ZNF804A: variants seen among roughly 807,000 people sequenced by gnomAD.
ZNF804A encodes zinc finger protein 804A.
Under a neutral mutation model 16.5 loss-of-function variants are expected in ZNF804A, and 2 were observed. That is an observed-to-expected ratio of 0.12 (90% CI 0.05 to 0.38). ZNF804A has a LOEUF of 0.38. Ranked by LOEUF, ZNF804A falls within the 10% of genes least tolerant of loss-of-function variation. ZNF804A has a pLI of 0.99. For missense variants in ZNF804A, 1,473 were observed against 1,390.7 expected (o/e 1.06, Z -0.94); for synonymous variants, 534 against 489.6 (o/e 1.09, Z -1.20).
At chr2:184,682,467 AT>A (rs1343858782) in intron 1 of ZNF804A, among the ~76,000 whole-genome samples, 8 of 151,954 alleles carry the variant, frequency 5.3e-5, no homozygotes, top group Admixed American at 6.6e-5. Context: ...GCTACATTTG[AT>A]TTTTTTTGTG....
At chr2:184,900,273 T>G (rs1482778035) in intron 2 of ZNF804A, among the ~76,000 whole-genome samples, 1 of 152,130 alleles carries the variant, frequency 6.6e-6, no homozygotes, top group African/African-American at 2.4e-5. Flanking sequence ...ACAAAATGTT[T>G]CACATTATGG....
In ZNF804A at chr2:184,599,088, CCT is replaced by C. The variant is rs10689377; in HGVS notation, c.111+32_111+33del. 2.6e-3 allele frequency: 3,527 copies of C among 1,331,580 alleles called. No individual in the cohort carries two copies. Among genetic ancestry groups the C allele is most frequent in the Non-Finnish European group, 3.0e-3 (2,846 of 942,956 alleles). The allele number at this position is 1,331,580 out of a possible 1,614,324, so 82.5% of individuals were successfully genotyped here. On this transcript the variant is annotated intron_variant, in intron 1 of 3. Transcript: ENST00000302277. ...AAACTCTGGTAATCGCTTCTGTTTT[CCT>C]CTCTCTCTCTCTCATATTTAAGAGG...
chr2:184,801,725 G>T (rs142699585), intron 1 of ZNF804A, among the ~76,000 whole-genome samples: 1 of 152,090 alleles, frequency 6.6e-6, no homozygotes, highest in Non-Finnish European at 1.5e-5. Flanking sequence ...CATTAACAAC[G>T]TAACAGCTAT....
chr2:184,790,629 A>T (rs1368727712), intron 1 of ZNF804A, among the ~76,000 whole-genome samples: 1 of 151,876 alleles, frequency 6.6e-6, no homozygotes, highest in Non-Finnish European at 1.5e-5. Flanking sequence ...TTTGAGATGG[A>T]GTCTTGCTCT....
intron 1 of ZNF804A, among the ~76,000 whole-genome samples, chr2:184,724,614 T>C (rs1005941631): frequency 2.0e-5 from 3 of 151,676 alleles, no homozygotes; most frequent in African/African-American, 4.8e-5. Flanking sequence ...ATAGTCACTC[T>C]GTTATTGGCA....
At chr2:184,879,980 A>G (rs1430774435) in intron 2 of ZNF804A, among the ~76,000 whole-genome samples, 2 of 152,050 alleles carry the variant, frequency 1.3e-5, no homozygotes, top group Non-Finnish European at 2.9e-5. Flanking sequence ...TTCTAAGCAT[A>G]CCTTCTTATC....
intron 1 of ZNF804A, among the ~76,000 whole-genome samples, chr2:184,681,740 C>A (rs773093049): frequency 2.0e-5 from 3 of 152,218 alleles, no homozygotes; most frequent in Non-Finnish European, 4.4e-5. Context: ...GGGCCAGGAA[C>A]AGGAGGGAGT....
intron 1 of ZNF804A, among the ~76,000 whole-genome samples, chr2:184,819,132 G>A (rs1695031501): frequency 6.6e-6 from 1 of 151,624 alleles, no homozygotes; most frequent in Admixed American, 6.6e-5. Context: ...ATTGCCACAT[G>A]GCACTTACTC....
chr2:184,938,732 T>TGCAGATGCAGCC lies in ZNF804A; in HGVS notation c.3340_3341insATGCAGCCGCAG (p.Ala1113_Ala1114insAspAlaAlaAla). 6.2e-7 allele frequency: 1 copy of TGCAGATGCAGCC among 1,607,264 alleles called. No individual in the cohort carries two copies. The highest frequency in any genetic ancestry group is 8.5e-7 in the Non-Finnish European group (1 of 1,176,644). On this transcript the variant is annotated inframe_insertion, in exon 4 of 4. Coordinates refer to ENST00000302277, the MANE Select transcript of ZNF804A (RefSeq NM_194250.2). Reference sequence around the variant, plus strand: ...AGCAGCACGCTGCAGCTGCTGCAGCTGCAGCTGCAGCCGCAGCTGCAGGAA... The same window carrying TGCAGATGCAGCC: ...AGCAGCACGCTGCAGCTGCTGCAGCTGCAGATGCAGCCGCAGCTGCAGCCGCAGCTGCAGGAA...
chr2:184,621,430 C>T (rs1691418243), intron 1 of ZNF804A, among the ~76,000 whole-genome samples: 1 of 151,666 alleles, frequency 6.6e-6, no homozygotes, highest in African/African-American at 2.4e-5. Context: ...GACAATCCGA[C>T]ATAAATGGCT....
intron 2 of ZNF804A, among the ~76,000 whole-genome samples, chr2:184,875,996 A>C (rs1432302887): frequency 6.6e-6 from 1 of 152,082 alleles, no homozygotes; most frequent in Non-Finnish European, 1.5e-5. Flanking sequence ...AAACATCTTG[A>C]TTTTTGCTTT....
chr2:184,805,227 AGGT>A (rs1694784181), intron 1 of ZNF804A, among the ~76,000 whole-genome samples: 1 of 152,188 alleles, frequency 6.6e-6, no homozygotes, highest in African/African-American at 2.4e-5. Flanking sequence ...TAAGAAAAAC[AGGT>A]AATAGTAGAA....
chr2:184,887,659 C>G (rs963857634), intron 2 of ZNF804A, among the ~76,000 whole-genome samples: 1 of 152,126 alleles, frequency 6.6e-6, no homozygotes, highest in African/African-American at 2.4e-5. Flanking sequence ...GAAGCAAAAG[C>G]AGAAACCCCT....
intron 1 of ZNF804A, among the ~76,000 whole-genome samples, chr2:184,637,166 G>A (rs1270636530): frequency 3.9e-5 from 6 of 152,028 alleles, no homozygotes; most frequent in Non-Finnish European, 7.4e-5. Flanking sequence ...AGAATTAGGG[G>A]CATTTTTCAT....
chr2:184,641,147 G>C (rs1691790157), intron 1 of ZNF804A, among the ~76,000 whole-genome samples: 1 of 152,034 alleles, frequency 6.6e-6, no homozygotes, highest in African/African-American at 2.4e-5. Flanking sequence ...TAGAGATGGG[G>C]TTTCACTATG....
At chr2:184,882,630 A>T (rs1290346177) in intron 2 of ZNF804A, among the ~76,000 whole-genome samples, 1 of 152,116 alleles carries the variant, frequency 6.6e-6, no homozygotes, top group Non-Finnish European at 1.5e-5. Flanking sequence ...ATCAATACTA[A>T]GAAACTTGCT....
At chr2:184,896,454 A>C in intron 2 of ZNF804A, among the ~76,000 whole-genome samples, 1 of 152,168 alleles carries the variant, frequency 6.6e-6, no homozygotes, top group East Asian at 1.9e-4. Context: ...GTCATAGCTC[A>C]TAGCCAATAG....
chr2:184,892,630 C>A (rs1325838522), intron 2 of ZNF804A, among the ~76,000 whole-genome samples: 1 of 151,738 alleles, frequency 6.6e-6, no homozygotes. Context: ...ATTACAGGCA[C>A]GCGCCACCAT....
chr2:184,858,177 A>AT (rs1353123537), intron 1 of ZNF804A, among the ~76,000 whole-genome samples: 4 of 151,822 alleles, frequency 2.6e-5, no homozygotes, highest in South Asian at 2.1e-4. Flanking sequence ...AAATATATAT[A>AT]TTTTTTATAG....
Sources: gnomAD v4.1 joint callset for allele counts (sites outside exome capture counted in the v4.1 genomes callset) on GRCh38, gnomAD v4.1.1 for gene constraint, MANE v1.5 for transcripts, NCBI Gene and HGNC (gene_info 2026-07-23, HGNC 2026-07-21) for gene names.